GRIK2: variants seen among roughly 807,000 people sequenced by gnomAD.
GRIK2 encodes glutamate receptor ionotropic, kainate 2.
Under a neutral mutation model 100.3 loss-of-function variants are expected in GRIK2, and 32 were observed. The observed-to-expected ratio is 0.32, with a 90% CI of 0.24 to 0.43. The LOEUF is 0.43. GRIK2 is among the 20% of genes least tolerant of loss of function. The pLI is 1.00. For missense variants in GRIK2, 843 were observed against 1,114.9 expected, an observed-to-expected ratio of 0.76 and a Z score of 3.47; for synonymous variants, 417 against 389.4, an observed-to-expected ratio of 1.07 and a Z score of -0.83.
At chr6:101,857,315 G>C (rs577583746) in intron 10 of GRIK2, among the ~76,000 whole-genome samples, 1 of 152,176 alleles carries the variant, frequency 6.6e-6, no homozygotes. Context: ...ACGAAACAAC[G>C]TGCCAATCTC....
intron 7 of GRIK2, 49 bp downstream of exon 7, chr6:101,686,402 G>T: frequency 7.2e-7 from 1 of 1,391,150 alleles, no homozygotes; most frequent in Non-Finnish European, 1.0e-6. Context: ...AAATAGTATT[G>T]CATACATATG....
chr6:102,043,396 T>C (rs1182994367), intron 15 of GRIK2, among the ~76,000 whole-genome samples: 7 of 149,464 alleles, frequency 4.7e-5, no homozygotes, highest in African/African-American at 7.6e-5. Context: ...TTATCTGAGA[T>C]TTTTTACCCT....
chr6:101,655,298 T>G (rs988410997), intron 4 of GRIK2, among the ~76,000 whole-genome samples: 1 of 152,138 alleles, frequency 6.6e-6, no homozygotes, highest in Non-Finnish European at 1.5e-5. Flanking sequence ...TTGTAGAAAT[T>G]TATTCCACCC....
At chr6:101,997,113 G>GA (rs1249704309) in intron 14 of GRIK2, among the ~76,000 whole-genome samples, 1 of 151,876 alleles carries the variant, frequency 6.6e-6, no homozygotes, top group East Asian at 1.9e-4. Context: ...AGAATTCTAA[G>GA]AAAAAAATTA....
intron 10 of GRIK2, among the ~76,000 whole-genome samples, chr6:101,851,861 T>G (rs1347180280): frequency 6.7e-6 from 1 of 149,634 alleles, no homozygotes; most frequent in African/African-American, 2.5e-5. Context: ...TTGGAAATGG[T>G]CAGTAAGAAT....
At chr6:101,645,210 A>G (rs933763650) in intron 4 of GRIK2, among the ~76,000 whole-genome samples, 1 of 151,792 alleles carries the variant, frequency 6.6e-6, no homozygotes, top group Non-Finnish European at 1.5e-5. Flanking sequence ...CAAATGAGTC[A>G]TTGTAACTAT....
At chr6:101,511,873 G>C (rs1774336670) in intron 2 of GRIK2, among the ~76,000 whole-genome samples, 1 of 151,902 alleles carries the variant, frequency 6.6e-6, no homozygotes. Flanking sequence ...GACTGAATTT[G>C]AATTGAGTTT....
chr6:101,683,192 C>T (rs890201990), intron 6 of GRIK2, among the ~76,000 whole-genome samples: 8 of 148,674 alleles, frequency 5.4e-5, no homozygotes, highest in Non-Finnish European at 8.9e-5. Flanking sequence ...CAGAGCTAGA[C>T]TCCATCTAGA....
chr6:101,755,307 C>T (rs1008230172), intron 7 of GRIK2, among the ~76,000 whole-genome samples: 3 of 151,744 alleles, frequency 2.0e-5, no homozygotes, highest in Non-Finnish European at 4.4e-5. Flanking sequence ...GCTGGGACTA[C>T]AGGCGCCCGC....
chr6:101,811,421 G>T (rs1781318551), intron 9 of GRIK2, among the ~76,000 whole-genome samples: 1 of 152,004 alleles, frequency 6.6e-6, no homozygotes, highest in Admixed American at 6.6e-5. Flanking sequence ...AACATCCAGT[G>T]AATATTTTGT....
intron 14 of GRIK2, among the ~76,000 whole-genome samples, chr6:101,942,676 G>A (rs1417247601): frequency 6.6e-6 from 1 of 152,118 alleles, no homozygotes; most frequent in Non-Finnish European, 1.5e-5. Flanking sequence ...AGATGATTTA[G>A]GATATTTGGT....
chr6:101,721,150 C>T (rs1329210284), intron 7 of GRIK2, among the ~76,000 whole-genome samples: 2 of 151,996 alleles, frequency 1.3e-5, no homozygotes, highest in Non-Finnish European at 2.9e-5. Context: ...GTACTCAGGA[C>T]AGTTTAGTTT....
chr6:101,514,014 C>T (rs1183622657), intron 2 of GRIK2, among the ~76,000 whole-genome samples: 7 of 151,708 alleles, frequency 4.6e-5, no homozygotes, highest in Non-Finnish European at 8.8e-5. Context: ...CTTGCAAGAC[C>T]GATCAAGAGA....
chr6:102,033,938 T>A (rs1335029), intron 14 of GRIK2, among the ~76,000 whole-genome samples: 40,722 of 151,262 alleles, frequency 0.27, 5,655 homozygotes, highest in East Asian at 0.31. Flanking sequence ...TTAAAGTTGG[T>A]TGGTTTTCAG....
In GRIK2 at chr6:101,794,016, G is replaced by T. The variant is rs373368236; in HGVS notation, c.952-5632G>T. Among the ~76,000 whole-genome samples, 32 of 152,298 alleles carry T rather than the reference G, an allele frequency of 2.1e-4. No homozygotes were observed. In the South Asian group the frequency reaches 6.0e-3, roughly 29 times the overall value. ...CATGGGCGTAGGACCCTCCGAGCCA[G>T]GTGCAGGATATAATCTCCTGGTGCG... On this transcript the variant is annotated intron_variant, in intron 7 of 16. Coordinates refer to ENST00000369134, the MANE Select transcript of GRIK2 (RefSeq NM_021956.5).
chr6:101,464,823 A>T (rs536068687), intron 2 of GRIK2, among the ~76,000 whole-genome samples: 1 of 151,980 alleles, frequency 6.6e-6, no homozygotes, highest in Non-Finnish European at 1.5e-5. Flanking sequence ...CCCGGCCCCA[A>T]ACATTCTTAT....
At chr6:101,496,886 C>G (rs1403805361) in intron 2 of GRIK2, among the ~76,000 whole-genome samples, 3 of 152,102 alleles carry the variant, frequency 2.0e-5, no homozygotes, top group Non-Finnish European at 4.4e-5. Context: ...TAGTTTTTAT[C>G]ATGGTTTGAG....
rs553066312 is a variant in GRIK2 at position 101,974,288 on chromosome 6, C to A, written c.2085+45656C>A. Among the ~76,000 whole-genome samples the A allele has an allele frequency of 2.0e-5, 3 of 151,884 alleles. No individual in the cohort carries two copies. The East Asian group carries it at 5.8e-4, about 30-fold the overall frequency. ...AATTTTTGAGTACGTACTATGTCTG[C>A]CAGAAAATGTGCAAGATTCTGTGGA... On this transcript the variant is annotated intron_variant, in intron 14 of 16. Coordinates refer to ENST00000369134, the MANE Select transcript of GRIK2 (RefSeq NM_021956.5).
At chr6:101,770,460 C>T (rs111767925) in intron 7 of GRIK2, among the ~76,000 whole-genome samples, 4 of 151,794 alleles carry the variant, frequency 2.6e-5, no homozygotes, top group South Asian at 4.1e-4. Context: ...AAATGGCATA[C>T]GATTCAGTGC....
Sources: allele counts gnomAD v4.1 joint callset (sites outside exome capture counted in the v4.1 genomes callset), GRCh38; gene constraint gnomAD v4.1.1; transcripts MANE v1.5; gene names NCBI Gene and HGNC (gene_info 2026-07-23, HGNC 2026-07-21).